CGNL1: variants seen among roughly 807,000 people sequenced by gnomAD.
CGNL1 encodes cingulin-like protein 1.
In CGNL1, 132 loss-of-function variants were observed where a neutral mutation model predicts 141.2. The ratio of observed to expected loss-of-function variants is 0.93; its 90% CI spans 0.81 to 1.08. The LOEUF is 1.08. Among genes scored for constraint, CGNL1 ranks in the 50% least tolerant of loss-of-function variants. The probability of loss-of-function intolerance (pLI) is 0.00; values close to 1 mark genes in which losing one functional copy is unlikely to be tolerated. For missense variants in CGNL1, 1,870 were observed against 1,588.6 expected (o/e 1.18, Z -3.01); for synonymous variants, 690 against 622.1 (o/e 1.11, Z -1.63).
chr15:57,436,305 A>T (rs1168323915), intron 1 of CGNL1, among the ~76,000 whole-genome samples: 1 of 152,146 alleles, frequency 6.6e-6, no homozygotes, highest in Non-Finnish European at 1.5e-5. Flanking sequence ...ATAAGGGATT[A>T]TTGTTAGGTG....
intron 1 of CGNL1, among the ~76,000 whole-genome samples, chr15:57,426,940 G>T (rs7168958): frequency 6.6e-6 from 1 of 152,024 alleles, no homozygotes; most frequent in Non-Finnish European, 1.5e-5. Flanking sequence ...GCTGGAATGG[G>T]GTGAGGGTGC....
intron 1 of CGNL1, among the ~76,000 whole-genome samples, chr15:57,393,407 A>G (rs1452902474): frequency 6.6e-6 from 1 of 152,154 alleles, no homozygotes; most frequent in East Asian, 1.9e-4. Context: ...TGCAGGGTGA[A>G]GAGTTTGTGT....
chr15:57,436,254 G>T (rs186312227), intron 1 of CGNL1, among the ~76,000 whole-genome samples: 2 of 152,204 alleles, frequency 1.3e-5, no homozygotes, highest in Non-Finnish European at 2.9e-5. Flanking sequence ...TCTCCCTTGC[G>T]GCTGGGGGTG....
intron 8 of CGNL1, among the ~76,000 whole-genome samples, chr15:57,470,632 A>G (rs1254096659): frequency 1.3e-5 from 2 of 152,330 alleles, no homozygotes; most frequent in East Asian, 3.9e-4. Context: ...ATCTTTAGAT[A>G]TGCGGATTCA....
chr15:57,498,932 G>C (rs1771321855), intron 8 of CGNL1, among the ~76,000 whole-genome samples: 1 of 152,166 alleles, frequency 6.6e-6, no homozygotes, highest in South Asian at 2.1e-4. Context: ...ACAGACATTG[G>C]GGACTGAATT....
intron 1 of CGNL1, among the ~76,000 whole-genome samples, chr15:57,402,948 C>G (rs931595904): frequency 3.9e-5 from 6 of 152,198 alleles, no homozygotes; most frequent in African/African-American, 1.4e-4. Context: ...GAGATTCTAA[C>G]TGCACATATG....
chr15:57,379,621 T>C (rs2086579568), intron 1 of CGNL1, among the ~76,000 whole-genome samples: 1 of 152,192 alleles, frequency 6.6e-6, no homozygotes, highest in Non-Finnish European at 1.5e-5. Context: ...GCTTTTCCTT[T>C]CTTTTCATCT....
intron 8 of CGNL1, among the ~76,000 whole-genome samples, chr15:57,468,390 GC>G (rs1244339673): frequency 6.6e-6 from 1 of 151,544 alleles, no homozygotes; most frequent in Non-Finnish European, 1.5e-5. Context: ...ACAGCTGCAC[GC>G]CACCACACCT....
chr15:57,404,206 C>G (rs1467105), intron 1 of CGNL1, among the ~76,000 whole-genome samples: 164 of 152,346 alleles, frequency 1.1e-3, no homozygotes, highest in African/African-American at 3.8e-3. Flanking sequence ...ATTTCTCTCA[C>G]TTGCTTCTCC....
chr15:57,403,913 C>T (rs1361885602), intron 1 of CGNL1, among the ~76,000 whole-genome samples: 2 of 152,190 alleles, frequency 1.3e-5, no homozygotes, highest in Non-Finnish European at 2.9e-5. Context: ...AGTTGCCTCC[C>T]CTGACCCCCT....
chr15:57,475,360 T>A (rs2063638698), intron 8 of CGNL1, among the ~76,000 whole-genome samples: 5 of 152,132 alleles, frequency 3.3e-5, no homozygotes, highest in Admixed American at 3.3e-4. Context: ...TTACTCCGTA[T>A]TAGCCACCTC....
chr15:57,447,394 G>C (rs1475411589), intron 4 of CGNL1, among the ~76,000 whole-genome samples: 10 of 152,134 alleles, frequency 6.6e-5, no homozygotes, highest in African/African-American at 2.2e-4. Context: ...CAGTTTTCAG[G>C]AACTCTAGTG....
At chr15:57,428,956 G>C (rs1184870229) in intron 1 of CGNL1, among the ~76,000 whole-genome samples, 1 of 151,992 alleles carries the variant, frequency 6.6e-6, no homozygotes, top group Non-Finnish European at 1.5e-5. Context: ...CCAGGAGGCA[G>C]AGGTTGCAGT....
intron 14 of CGNL1, among the ~76,000 whole-genome samples, chr15:57,536,130 G>C (rs2032245652): frequency 6.6e-6 from 1 of 152,190 alleles, no homozygotes; most frequent in Non-Finnish European, 1.5e-5. Flanking sequence ...CATGGCGGCA[G>C]GCAAAAGAGT....
Position 57,518,274 on chromosome 15 carries a change from T to C in CGNL1, c.2611-119T>C, listed in dbSNP as rs1280359. On this transcript the variant is annotated intron_variant, in intron 9 of 18. Coordinates refer to ENST00000281282, the MANE Select transcript of CGNL1 (RefSeq NM_032866.5). ...CCACCTTGGGTCTGTGACAGGTGCA[T>C]TGTGACCATAGCCACTGCCATATCT... 8.8e-4 allele frequency: 630 copies of C among 717,496 alleles called. 3 individuals carry two copies. In the African/African-American group the frequency reaches 0.01, roughly 12 times the overall value. 44.4% of individuals were successfully genotyped at this position (717,496 alleles called of 1,614,324 possible).
chr15:57,524,692 A>C lies in CGNL1; in HGVS notation c.2980A>C (p.Lys994Gln). Residue 994 changes from lysine to glutamine, a missense_variant, in exon 12 of 19, where the codon AAG (lysine) becomes CAG (glutamine). By Grantham distance (53) the Lys-to-Gln change is moderately conservative. Coordinates refer to ENST00000281282, the MANE Select transcript of CGNL1 (RefSeq NM_032866.5). ...RELAEMQRQL[K>Q]EKTLEAEKSR... ...GCTCGCAGAAATGCAAAGACAGTTG[A>C]AGGAGAAAACGCTGGAGGCAGAAAA... 1 of 1,614,210 alleles carries C rather than the reference A, an allele frequency of 6.2e-7. No homozygotes were observed. The highest frequency in any genetic ancestry group is 2.2e-5 in the East Asian group (1 of 44,882).
At position 57,452,294 on chromosome 15, in the gene CGNL1, G is replaced by C. The variant is rs750338133; in HGVS notation, c.2054+5G>C. ...GCTCCGGAAGAATCTGGAGGAGTAA[G>C]TTCTGGGCTGAGAGCCTGTTGCCCT... On this transcript the variant is annotated splice_donor_5th_base_variant and intron_variant, in intron 6 of 18. Coordinates refer to ENST00000281282, the MANE Select transcript of CGNL1 (RefSeq NM_032866.5). The C allele has an allele frequency of 6.2e-7, 1 of 1,611,936 alleles. No individual in the cohort carries two copies. The highest frequency in any genetic ancestry group is 8.5e-7 in the Non-Finnish European group (1 of 1,179,060).
Position 57,452,220 on chromosome 15 carries a change from TGGA to T in CGNL1, c.1990_1992del (p.Glu664del), listed in dbSNP as rs756309316. On this transcript the variant is annotated inframe_deletion, in exon 6 of 19. Transcript: ENST00000281282. ...CTCCGAAGCCAACACAACGAAAAGG[TGGA>T]GGAGAACTCCACATTGCAGCAACGA... 3.1e-6 allele frequency: 5 copies of T among 1,613,536 alleles called. No homozygotes were observed. The highest frequency in any genetic ancestry group is 2.7e-5 in the African/African-American group (2 of 74,794).
intron 14 of CGNL1, among the ~76,000 whole-genome samples, chr15:57,538,674 G>A (rs188343022): frequency 1.2e-4 from 19 of 152,282 alleles, no homozygotes; most frequent in African/African-American, 4.6e-4. Flanking sequence ...TGCTTTATGT[G>A]GCAGGATTTG....
Sources: gnomAD v4.1 joint callset for allele counts (sites outside exome capture counted in the v4.1 genomes callset) on GRCh38, gnomAD v4.1.1 for gene constraint, MANE v1.5 for transcripts, NCBI Gene and HGNC (gene_info 2026-07-23, HGNC 2026-07-21) for gene names.